The following SMYD3 variants were observed in gnomAD, a reference collection of about 807,000 sequenced individuals.
SMYD3 encodes SET and MYND domain containing 3, also known as histone-lysine N-methyltransferase SMYD3.
A neutral mutation model predicts 57.7 loss-of-function variants in SMYD3; 36 were observed. The observed-to-expected ratio is 0.62, with a 90% CI of 0.48 to 0.82. The LOEUF is 0.82. Among genes scored for constraint, SMYD3 ranks in the 40% least tolerant of loss-of-function variants. The pLI is 0.00. For missense variants in SMYD3, 515 were observed against 538.8 expected, an observed-to-expected ratio of 0.96 and a Z score of 0.44; for synonymous variants, 211 against 195.0, an observed-to-expected ratio of 1.08 and a Z score of -0.68.
At chr1:246,268,470 C>A (rs1042628715) in intron 5 of SMYD3, among the ~76,000 whole-genome samples, 1 of 152,098 alleles carries the variant, frequency 6.6e-6, no homozygotes, top group African/African-American at 2.4e-5. Flanking sequence ...GAGGCCAAGG[C>A]AGGCAGATCA....
rs528835257 is a variant in SMYD3 at position 246,269,261 on chromosome 1, A to T, written c.531+57940T>A. 9.8e-4 allele frequency among the ~76,000 whole-genome samples: 149 copies of T among 152,314 alleles called. 1 individual carries two copies. The highest frequency in any genetic ancestry group is 3.6e-3 in the African/African-American group (148 of 41,562). On this transcript the variant is annotated intron_variant, in intron 5 of 11. Coordinates refer to ENST00000490107, the MANE Select transcript of SMYD3 (RefSeq NM_001167740.2). ...TTAGTAGATCGACTAACAACACAGC[A>T]AGAGCCTGTGTTAGTAACTCAATAA...
At chr1:245,922,969 A>G (rs560103834) in intron 7 of SMYD3, among the ~76,000 whole-genome samples, 36 of 152,266 alleles carry the variant, frequency 2.4e-4, no homozygotes, top group Admixed American at 4.6e-4. Flanking sequence ...GTTTTTACCT[A>G]TTAGGCTTCA....
intron 5 of SMYD3, among the ~76,000 whole-genome samples, chr1:246,094,827 A>G (rs1294179537): frequency 6.6e-6 from 1 of 151,764 alleles, no homozygotes; most frequent in East Asian, 1.9e-4. Context: ...CACAGTTCCC[A>G]CTTTTCATAT....
At chr1:246,161,417 C>T (rs1276538378) in intron 5 of SMYD3, among the ~76,000 whole-genome samples, 2 of 152,078 alleles carry the variant, frequency 1.3e-5, no homozygotes, top group African/African-American at 2.4e-5. Flanking sequence ...AGGCTGAACC[C>T]GTTTTCATCA....
chr1:246,504,277 A>G lies in SMYD3; in HGVS notation c.164+2777T>C, dbSNP rs540451403. Among the ~76,000 whole-genome samples, 54 of 152,306 alleles carry G rather than the reference A, an allele frequency of 3.5e-4. No individual in the cohort carries two copies. In the South Asian group the frequency reaches 8.9e-3, roughly 25 times the overall value. ...CTTAAGGACATCATGAGGTGATTTC[A>G]TTGTTGTAGGAACATCATGGTGTAT... On this transcript the variant is annotated intron_variant, in intron 1 of 11. Coordinates refer to ENST00000490107, the MANE Select transcript of SMYD3 (RefSeq NM_001167740.2).
chr1:246,475,661 G>C (rs1212690801), intron 1 of SMYD3, among the ~76,000 whole-genome samples: 1 of 151,992 alleles, frequency 6.6e-6, no homozygotes, highest in Non-Finnish European at 1.5e-5. Flanking sequence ...ATTGCCCAGA[G>C]TGGAGACCAG....
rs532247643 is a variant in SMYD3 at position 246,354,934 on chromosome 1, T to C, written c.228+97A>G. 5.2e-5 allele frequency: 54 copies of C among 1,043,758 alleles called. No individual in the cohort carries two copies. In the South Asian group the frequency reaches 6.2e-4, roughly 12 times the overall value. 64.7% of individuals were successfully genotyped at this position (1,043,758 alleles called of 1,614,324 possible). ...TAACAAGTAAAAGTAAATTAAAGGCTGTAAAGAAGTAGACACAGGCCAACA... is the reference window on the plus strand; with the variant it reads ...TAACAAGTAAAAGTAAATTAAAGGCCGTAAAGAAGTAGACACAGGCCAACA... On this transcript the variant is annotated intron_variant, in intron 2 of 11. Coordinates refer to ENST00000490107, the MANE Select transcript of SMYD3 (RefSeq NM_001167740.2).
At chr1:246,231,553 C>T (rs1426681622) in intron 5 of SMYD3, among the ~76,000 whole-genome samples, 1 of 152,054 alleles carries the variant, frequency 6.6e-6, no homozygotes, top group Non-Finnish European at 1.5e-5. Context: ...ACACACATTC[C>T]AATTGACACA....
intron 5 of SMYD3, among the ~76,000 whole-genome samples, chr1:246,127,979 A>G (rs2061533845): frequency 6.6e-6 from 1 of 152,268 alleles, no homozygotes; most frequent in Non-Finnish European, 1.5e-5. Flanking sequence ...CATAGATTAT[A>G]ATTTCCAGTA....
chr1:246,469,664 G>A (rs1437704731), intron 1 of SMYD3, among the ~76,000 whole-genome samples: 1 of 152,110 alleles, frequency 6.6e-6, no homozygotes. Flanking sequence ...TAAATAAATA[G>A]AGGAGAAGGT....
At chr1:245,934,587 G>C (rs1310723066) in intron 5 of SMYD3, among the ~76,000 whole-genome samples, 1 of 152,060 alleles carries the variant, frequency 6.6e-6, no homozygotes, top group East Asian at 1.9e-4. Context: ...ATAGTTAAAG[G>C]GTTTGAAATC....
intron 5 of SMYD3, among the ~76,000 whole-genome samples, chr1:246,222,695 GA>G (rs2063275631): frequency 6.6e-6 from 1 of 152,070 alleles, no homozygotes; most frequent in African/African-American, 2.4e-5. Context: ...TCAATTTAGG[GA>G]AAAAGAAAAG....
chr1:246,470,617 A>G (rs2067948325), intron 1 of SMYD3, among the ~76,000 whole-genome samples: 1 of 150,732 alleles, frequency 6.6e-6, no homozygotes, highest in South Asian at 2.1e-4. Context: ...CACACACTAT[A>G]TATATACACA....
At position 245,954,838 on chromosome 1, in the gene SMYD3, A is replaced by G. The variant is rs370096389; in HGVS notation, c.532-24901T>C. Among the ~76,000 whole-genome samples the G allele has an allele frequency of 8.5e-5, 13 of 152,326 alleles. No homozygotes were observed. In the East Asian group the frequency reaches 1.2e-3, roughly 14 times the overall value. On this transcript the variant is annotated intron_variant, in intron 5 of 11. Coordinates refer to ENST00000490107, the MANE Select transcript of SMYD3 (RefSeq NM_001167740.2). The stretch of plus-strand genomic sequence containing the variant: ...CTCTTACTTGCAACTTTCCAAGTCA[A>G]TCTCTCTGGTCCCTGTCTTTTTCCA...
intron 1 of SMYD3, among the ~76,000 whole-genome samples, chr1:246,411,363 G>T (rs892934869): frequency 2.0e-5 from 3 of 152,186 alleles, no homozygotes; most frequent in Admixed American, 6.5e-5. Flanking sequence ...AGGAACACTT[G>T]TACACTGTTG....
At chr1:246,408,218 A>G (rs1212603572) in intron 1 of SMYD3, among the ~76,000 whole-genome samples, 1 of 152,172 alleles carries the variant, frequency 6.6e-6, no homozygotes, top group East Asian at 1.9e-4. Context: ...GGTAATAGAC[A>G]CCATTTGATA....
intron 10 of SMYD3, among the ~76,000 whole-genome samples, chr1:245,789,462 A>G (rs1368804831): frequency 6.6e-6 from 1 of 152,238 alleles, no homozygotes; most frequent in Non-Finnish European, 1.5e-5. Context: ...CAGACTAAGA[A>G]GAAAGCCACA....
At chr1:246,250,656 T>TC (rs2063783743) in intron 5 of SMYD3, among the ~76,000 whole-genome samples, 1 of 152,222 alleles carries the variant, frequency 6.6e-6, no homozygotes, top group African/African-American at 2.4e-5. Context: ...AAAGCTATAT[T>TC]CATGTATTTA....
At position 245,950,518 on chromosome 1, in the gene SMYD3, G is replaced by A. The variant is rs577183486; in HGVS notation, c.532-20581C>T. Among the ~76,000 whole-genome samples the A allele has an allele frequency of 3.3e-5, 5 of 152,304 alleles. No homozygotes were observed. The South Asian group carries it at 1.0e-3, about 32-fold the overall frequency. ...ACCACCCCCTGTTCTTGGAGCCTCA[G>A]TCACTACACAGATTGGCTCGCTCTG... On this transcript the variant is annotated intron_variant, in intron 5 of 11. Transcript: ENST00000490107.
Sources: allele counts gnomAD v4.1 joint callset (sites outside exome capture counted in the v4.1 genomes callset), GRCh38; gene constraint gnomAD v4.1.1; transcripts MANE v1.5; gene names NCBI Gene and HGNC (gene_info 2026-07-23, HGNC 2026-07-21).